Variants in SLC25A26 observed in about 807,000 individuals in gnomAD.
SLC25A26 encodes the protein mitochondrial S-adenosylmethionine carrier protein.
Under a neutral mutation model 37.8 loss-of-function variants are expected in SLC25A26, and 36 were observed. The ratio of observed to expected loss-of-function variants is 0.95; its 90% CI spans 0.73 to 1.26. The LOEUF is 1.26. Among genes scored for constraint, SLC25A26 ranks in the 50% most tolerant of loss-of-function variants. The pLI is 0.00. For missense variants in SLC25A26, 390 were observed against 331.1 expected (o/e 1.18, Z -1.38); for synonymous variants, 129 against 122.5 (o/e 1.05, Z -0.35).
intron 5 of SLC25A26, among the ~76,000 whole-genome samples, chr3:66,340,588 G>T (rs1227704971): frequency 6.6e-6 from 1 of 151,956 alleles, no homozygotes; most frequent in Non-Finnish European, 1.5e-5. Context: ...TTTTTGTGTA[G>T]GGTTTTGAGG....
intron 1 of SLC25A26, among the ~76,000 whole-genome samples, chr3:66,168,358 C>T (rs2070454257): frequency 6.6e-6 from 1 of 151,904 alleles, no homozygotes; most frequent in Admixed American, 6.6e-5. Context: ...AACTCTATTG[C>T]TGTCCTCGAC....
chr3:66,156,102 C>T (rs2070278940), intron 1 of SLC25A26, among the ~76,000 whole-genome samples: 2 of 152,098 alleles, frequency 1.3e-5, no homozygotes, highest in Non-Finnish European at 2.9e-5. Context: ...AGCAGGGGCT[C>T]AGAGGGAAAG....
intron 1 of SLC25A26, among the ~76,000 whole-genome samples, chr3:66,184,123 C>CG (rs780614010): frequency 1.1e-4 from 17 of 152,088 alleles, no homozygotes; most frequent in Non-Finnish European, 1.6e-4. Context: ...GACCCTGAAT[C>CG]TGCCACTGTC....
At chr3:66,192,188 T>G (rs1371392420) in intron 1 of SLC25A26, among the ~76,000 whole-genome samples, 1 of 151,134 alleles carries the variant, frequency 6.6e-6, no homozygotes, top group Non-Finnish European at 1.5e-5. Context: ...TGGTGGTGGG[T>G]GCCTGTAATC....
intron 1 of SLC25A26, among the ~76,000 whole-genome samples, chr3:66,224,507 T>G (rs1386256556): frequency 6.6e-6 from 1 of 152,136 alleles, no homozygotes; most frequent in Non-Finnish European, 1.5e-5. Flanking sequence ...TCAGTTACCT[T>G]CTACCAGGTC....
intron 9 of SLC25A26, chr3:66,371,063 A>G (rs1480898735): frequency 3.9e-6 from 5 of 1,290,238 alleles, no homozygotes; most frequent in East Asian, 2.7e-5. Flanking sequence ...ATTGTGCTAC[A>G]GAAGTGCCTC....
intron 5 of SLC25A26, among the ~76,000 whole-genome samples, chr3:66,297,063 G>A (rs921036102): frequency 5.3e-5 from 8 of 152,170 alleles, no homozygotes; most frequent in African/African-American, 1.9e-4. Flanking sequence ...GGTGGCTCAC[G>A]CCTGTAATCC....
Position 66,346,357 on chromosome 3 carries a change from T to C in SLC25A26, c.454-7T>C, listed in dbSNP as rs1333979762. On this transcript the variant is annotated splice_polypyrimidine_tract_variant and splice_region_variant and intron_variant, in intron 5 of 9. Coordinates refer to ENST00000354883, the MANE Select transcript of SLC25A26 (RefSeq NM_001379210.1). ...TAATTTATTTAATTTTTTTTTTCTC[T>C]CTTCAGATTCCTTTTTCTTTGGTCC... is the stretch of plus-strand genomic sequence containing the variant. 3.4e-6 allele frequency: 5 copies of C among 1,472,902 alleles called. No homozygotes were observed. In the Admixed American group the frequency reaches 9.7e-5, roughly 29 times the overall value. The allele number at this position is 1,472,902 out of a possible 1,614,324, so 91.2% of individuals were successfully genotyped here. A position where few individuals can be genotyped will look rare whatever the true frequency, so the allele number is the denominator to read the frequency against.
At chr3:66,331,089 T>A (rs922821780) in intron 5 of SLC25A26, among the ~76,000 whole-genome samples, 1 of 152,186 alleles carries the variant, frequency 6.6e-6, no homozygotes, top group Non-Finnish European at 1.5e-5. Flanking sequence ...AATTATTGTT[T>A]AGTTTTTATA....
intron 7 of SLC25A26, among the ~76,000 whole-genome samples, chr3:66,367,341 G>A (rs1552153): frequency 0.011 from 1,682 of 152,224 alleles, 29 homozygotes; most frequent in African/African-American, 0.038. Context: ...TTTAGATCCC[G>A]TCTCAGCTCT....
intron 1 of SLC25A26, among the ~76,000 whole-genome samples, chr3:66,184,623 C>CTTGAGTTTACTATGTACT (rs2070791119): frequency 1.4e-4 from 1 of 7,048 alleles, no homozygotes; most frequent in Non-Finnish European, 2.9e-4. Context: ...CATGCTCAAC[C>CTTGAGTTTACTATGTACT]AAATCCTCAC....
chr3:66,375,189 G>C (rs1054071296), intron 9 of SLC25A26, among the ~76,000 whole-genome samples: 2 of 152,192 alleles, frequency 1.3e-5, no homozygotes, highest in Non-Finnish European at 2.9e-5. Context: ...TGAAGGCTGA[G>C]AGAGGTGAGG....
Position 66,258,148 on chromosome 3 carries a change from C to T in SLC25A26, c.301-3903C>T, listed in dbSNP as rs1243054901. On this transcript the variant is annotated intron_variant, in intron 3 of 9. Transcript: ENST00000354883. Reference sequence around the variant, plus strand: ...CGCTTTGCTAGATCTAGATATCCTCCACCTCCCTAACAAGGGGTGGCCATG... The same window carrying T: ...CGCTTTGCTAGATCTAGATATCCTCTACCTCCCTAACAAGGGGTGGCCATG... Among the ~76,000 whole-genome samples, 3 of 152,260 alleles carry T rather than the reference C, an allele frequency of 2.0e-5. No homozygotes were observed. In the South Asian group the frequency reaches 6.2e-4, roughly 32 times the overall value.
At chr3:66,293,072 T>C (rs1366639893) in intron 5 of SLC25A26, 1 of 152,004 alleles carries the variant, frequency 6.6e-6, no homozygotes, top group African/African-American at 2.4e-5. Context: ...TTCTGCTTGA[T>C]CTATTTGGCT....
intron 5 of SLC25A26, among the ~76,000 whole-genome samples, chr3:66,285,416 T>C (rs1435450336): frequency 6.6e-6 from 1 of 150,880 alleles, no homozygotes; most frequent in Non-Finnish European, 1.5e-5. Context: ...CATCTTACTT[T>C]TACATAAGGT....
chr3:66,288,768 A>G (rs1406383941), intron 5 of SLC25A26, among the ~76,000 whole-genome samples: 1 of 152,166 alleles, frequency 6.6e-6, no homozygotes, highest in Non-Finnish European at 1.5e-5. Flanking sequence ...GCTGTTGTGA[A>G]TAGTGCCGCA....
In SLC25A26 at chr3:66,147,223, G is replaced by A. The variant is rs1351953035; in HGVS notation, c.-354+13239G>A. 3.3e-5 allele frequency among the ~76,000 whole-genome samples: 5 copies of A among 150,336 alleles called. No individual in the cohort carries two copies. In the South Asian group the frequency reaches 8.5e-4, roughly 26 times the overall value. The stretch of plus-strand genomic sequence containing the variant: ...CTGTCTCCCAGGCTAGAGTACAGTG[G>A]CATGATGTCAGCTCACTGCAACCTC... On this transcript the variant is annotated intron_variant, in intron 1 of 10. Transcript: ENST00000676754.
chr3:66,345,982 C>T (rs970511106), intron 5 of SLC25A26, among the ~76,000 whole-genome samples: 1 of 152,180 alleles, frequency 6.6e-6, no homozygotes, highest in Non-Finnish European at 1.5e-5. Context: ...TGCTTGAGCC[C>T]TCAAGTTTGA....
At chr3:66,211,662 T>C (rs2071285218) in intron 1 of SLC25A26, among the ~76,000 whole-genome samples, 3 of 152,180 alleles carry the variant, frequency 2.0e-5, no homozygotes, top group East Asian at 1.9e-4. Context: ...AAATTAAAAA[T>C]AGAAAAAAAG....
Sources: gnomAD v4.1 joint callset for allele counts (sites outside exome capture counted in the v4.1 genomes callset) on GRCh38, gnomAD v4.1.1 for gene constraint, MANE v1.5 for transcripts, NCBI Gene and HGNC (gene_info 2026-07-23, HGNC 2026-07-21) for gene names.